The following SLC35F3 variants were observed in gnomAD, a reference collection of about 807,000 sequenced individuals.
SLC35F3 encodes the protein putative thiamine transporter SLC35F3.
A neutral mutation model predicts 49.9 loss-of-function variants in SLC35F3; 25 were observed. That is an observed-to-expected ratio of 0.50 (90% CI 0.37 to 0.70). The LOEUF (loss-of-function observed/expected upper bound fraction) is 0.70, where lower values mean the gene tolerates loss of function less well. SLC35F3 is among the 30% of genes least tolerant of loss of function. SLC35F3 has a pLI of 0.00. For missense variants in SLC35F3, 525 were observed against 639.8 expected (o/e 0.82, Z 1.94); for synonymous variants, 275 against 265.4 (o/e 1.04, Z -0.35).
At chr1:234,267,628 G>C (rs1254773378) in intron 3 of SLC35F3, among the ~76,000 whole-genome samples, 229 of 151,068 alleles carry the variant, frequency 1.5e-3, no homozygotes, top group Non-Finnish European at 2.8e-3. Flanking sequence ...CTGGCCAGGC[G>C]GGGGGCTGAC....
intron 2 of SLC35F3, among the ~76,000 whole-genome samples, chr1:234,016,637 T>C (rs764995167): frequency 3.9e-5 from 6 of 152,304 alleles, no homozygotes; most frequent in Non-Finnish European, 4.4e-5. Context: ...GCTGGAGTGT[T>C]GTGAGGAGAG....
At chr1:234,299,486 C>G (rs1443418230) in intron 3 of SLC35F3, among the ~76,000 whole-genome samples, 2 of 152,126 alleles carry the variant, frequency 1.3e-5, no homozygotes, top group Non-Finnish European at 2.9e-5. Flanking sequence ...CTACAATTTT[C>G]TTTACACAGC....
chr1:234,115,731 T>A (rs999559506), intron 2 of SLC35F3, among the ~76,000 whole-genome samples: 1 of 152,240 alleles, frequency 6.6e-6, no homozygotes, highest in Non-Finnish European at 1.5e-5. Flanking sequence ...ATAATGCTCC[T>A]TTTCCTTCAC....
chr1:234,080,463 A>G (rs954915566), intron 2 of SLC35F3, among the ~76,000 whole-genome samples: 2 of 152,224 alleles, frequency 1.3e-5, no homozygotes, highest in Non-Finnish European at 2.9e-5. Context: ...ATTCATTATT[A>G]TAGCTAAAAT....
At chr1:234,060,918 A>G (rs1021049469) in intron 2 of SLC35F3, among the ~76,000 whole-genome samples, 5 of 152,148 alleles carry the variant, frequency 3.3e-5, no homozygotes, top group Non-Finnish European at 4.4e-5. Context: ...TTCTATTTCT[A>G]TGTCTTATAG....
intron 2 of SLC35F3, among the ~76,000 whole-genome samples, chr1:234,039,608 G>GTGTT (rs1664191795): frequency 6.6e-6 from 1 of 152,200 alleles, no homozygotes; most frequent in African/African-American, 2.4e-5. Context: ...TCACGGAGCT[G>GTGTT]TGTTTCATCC....
intron 3 of SLC35F3, among the ~76,000 whole-genome samples, chr1:234,258,222 T>C (rs1455777854): frequency 5.3e-5 from 8 of 152,198 alleles, no homozygotes; most frequent in Admixed American, 5.2e-4. Flanking sequence ...GATGAAATCA[T>C]AATGGGGGGT....
At chr1:234,120,639 C>T (rs541065724) in intron 2 of SLC35F3, among the ~76,000 whole-genome samples, 8 of 152,314 alleles carry the variant, frequency 5.3e-5, no homozygotes, top group African/African-American at 1.9e-4. Context: ...GCTTGACAGT[C>T]GTTATCAGCC....
At chr1:233,938,074 G>A (rs1208414662) in intron 2 of SLC35F3, among the ~76,000 whole-genome samples, 3 of 152,154 alleles carry the variant, frequency 2.0e-5, no homozygotes, top group African/African-American at 7.2e-5. Context: ...ATTAGTTGGG[G>A]TTCTTGGTTG....
At chr1:234,241,804 G>A (rs1383683026) in intron 3 of SLC35F3, among the ~76,000 whole-genome samples, 5 of 151,890 alleles carry the variant, frequency 3.3e-5, no homozygotes, top group African/African-American at 1.2e-4. Flanking sequence ...GGTTTGGGGT[G>A]CAAATCAGCT....
intron 2 of SLC35F3, among the ~76,000 whole-genome samples, chr1:234,186,826 A>G (rs79125451): frequency 0.035 from 5,381 of 152,246 alleles, 313 homozygotes; most frequent in African/African-American, 0.12. Flanking sequence ...ATGGAATACT[A>G]TGGGAAGAGG....
At chr1:234,128,103 ACAAAC>A (rs1665676010) in intron 2 of SLC35F3, among the ~76,000 whole-genome samples, 2 of 152,192 alleles carry the variant, frequency 1.3e-5, no homozygotes, top group South Asian at 4.1e-4. Context: ...AGTGATGCCG[ACAAAC>A]AGGCATTAAG....
At chr1:234,105,814 G>A (rs781527734) in intron 2 of SLC35F3, among the ~76,000 whole-genome samples, 9 of 152,194 alleles carry the variant, frequency 5.9e-5, no homozygotes, top group Admixed American at 3.3e-4. Flanking sequence ...TTGCTATCGG[G>A]ACTGGACAAG....
intron 2 of SLC35F3, among the ~76,000 whole-genome samples, chr1:234,054,729 T>A (rs1411468276): frequency 6.6e-6 from 1 of 152,230 alleles, no homozygotes; most frequent in African/African-American, 2.4e-5. Context: ...CTCTGATTTT[T>A]AGAATTTTCA....
chr1:234,244,899 C>T (rs1192835524), intron 3 of SLC35F3, among the ~76,000 whole-genome samples: 1 of 152,116 alleles, frequency 6.6e-6, no homozygotes, highest in Non-Finnish European at 1.5e-5. Flanking sequence ...CATGCATAGA[C>T]TATGTAATGA....
chr1:233,934,738 AT>A (rs1662297126), intron 2 of SLC35F3, among the ~76,000 whole-genome samples: 2 of 150,952 alleles, frequency 1.3e-5, no homozygotes, highest in African/African-American at 4.9e-5. Flanking sequence ...AGGAGATCTT[AT>A]TAATTTTAAA....
chr1:234,187,389 GA>G (rs1251312822), intron 2 of SLC35F3, among the ~76,000 whole-genome samples: 2 of 152,218 alleles, frequency 1.3e-5, no homozygotes, highest in African/African-American at 4.8e-5. Context: ...GGAGAGGGGG[GA>G]AAATGGCGGA....
At chr1:233,948,228 G>GGAGAGAGAGAGA (rs150190453) in intron 2 of SLC35F3, among the ~76,000 whole-genome samples, 12 of 107,618 alleles carry the variant, frequency 1.1e-4, no homozygotes, top group South Asian at 3.4e-4. Flanking sequence ...AGGGAGAGAG[G>GGAGAGAGAGAGA]GAGAGAGAGA....
intron 2 of SLC35F3, among the ~76,000 whole-genome samples, chr1:233,961,609 A>G (rs1662805302): frequency 6.6e-6 from 1 of 151,656 alleles, no homozygotes; most frequent in Non-Finnish European, 1.5e-5. Context: ...GGCGCACACC[A>G]CCACACCTGG....
Sources: allele counts gnomAD v4.1 joint callset (sites outside exome capture counted in the v4.1 genomes callset), GRCh38; gene constraint gnomAD v4.1.1; transcripts MANE v1.5; gene names NCBI Gene and HGNC (gene_info 2026-07-23, HGNC 2026-07-21).